Variants in KRT80 observed in about 807,000 individuals in gnomAD.
KRT80 encodes keratin 80.
Under a neutral mutation model 51.5 loss-of-function variants are expected in KRT80, and 36 were observed. The ratio of observed to expected loss-of-function variants is 0.70; its 90% confidence interval spans 0.54 to 0.92. The LOEUF (loss-of-function observed/expected upper bound fraction) is 0.92. Ranked by LOEUF, KRT80 falls within the 40% of genes least tolerant of loss-of-function variation. KRT80 has a pLI of 0.00. For synonymous variants in KRT80, 235 were observed against 248.3 expected, an observed-to-expected ratio of 0.95 and a Z score of 0.50; for missense variants, 566 against 591.7, an observed-to-expected ratio of 0.96 and a Z score of 0.45.
intron 4 of KRT80, among the ~76,000 whole-genome samples, chr12:52,174,474 C>T (rs1433677664): frequency 6.6e-6 from 1 of 152,370 alleles, no homozygotes; most frequent in Non-Finnish European, 1.5e-5. Context: ...AGCCAAGGGA[C>T]ATTGCCTGGA....
At chr12:52,183,213 C>A (rs1941351240) in intron 2 of KRT80, among the ~76,000 whole-genome samples, 1 of 152,174 alleles carries the variant, frequency 6.6e-6, no homozygotes, top group Admixed American at 6.5e-5. Context: ...TACCTCAAAG[C>A]CTTCGGAAGT....
chr12:52,191,054 C>T (rs911971771), intron 1 of KRT80, among the ~76,000 whole-genome samples: 1 of 152,162 alleles, frequency 6.6e-6, no homozygotes, highest in African/African-American at 2.4e-5. Flanking sequence ...TCTCCTGACA[C>T]CTGAGCTGCA....
At chr12:52,174,018 G>A (rs1223419446) in intron 4 of KRT80, among the ~76,000 whole-genome samples, 1 of 152,212 alleles carries the variant, frequency 6.6e-6, no homozygotes, top group African/African-American at 2.4e-5. Context: ...TGGGACTGTT[G>A]GTTTTAAAGG....
At chr12:52,180,712 G>A in intron 3 of KRT80, 104 bp from the exon 4 acceptor site, 4 of 1,603,616 alleles carry the variant, frequency 2.5e-6, no homozygotes, top group Non-Finnish European at 3.4e-6. Flanking sequence ...GGTGATTCCA[G>A]AGGAGATCTG....
intron 2 of KRT80, 103 bp downstream of exon 2, chr12:52,185,276 C>T (rs1941385174): frequency 1.8e-6 from 2 of 1,135,944 alleles, no homozygotes; most frequent in Non-Finnish European, 2.5e-6. Context: ...AGAAATGTTG[C>T]AGAACATCTT....
chr12:52,191,500 G>A, intron 1 of KRT80, 103 bp downstream of exon 1: 2 of 1,166,926 alleles, frequency 1.7e-6, no homozygotes, highest in Non-Finnish European at 1.2e-6. Flanking sequence ...TTGGCTGGGT[G>A]CAGGGGTGGG....
Position 52,189,264 on chromosome 12 carries a change from C to T in KRT80, c.300+2339G>A, listed in dbSNP as rs1941447692. 1.3e-5 allele frequency among the ~76,000 whole-genome samples: 2 copies of T among 152,214 alleles called. 1 individual carries two copies. The highest frequency in any genetic ancestry group is 1.3e-4 in the Admixed American group (2 of 15,284). ...CGCCGTACCTCCTGCCCATGAGTCC[C>T]TTCACTCCTCTATCCGGCAGGGAGC... is the stretch of plus-strand genomic sequence containing the variant. On this transcript the variant is annotated intron_variant, in intron 1 of 8. Transcript: ENST00000394815.
intron 4 of KRT80, among the ~76,000 whole-genome samples, chr12:52,177,537 A>T (rs1009333812): frequency 6.6e-6 from 1 of 152,034 alleles, no homozygotes; most frequent in African/African-American, 2.4e-5. Context: ...CCCCCAGGGG[A>T]GAGAGGCAGA....
chr12:52,180,984 G>A lies in KRT80; in HGVS notation c.510-21C>T, dbSNP rs779253895. 12 of 1,513,892 alleles carry A rather than the reference G, an allele frequency of 7.9e-6. No homozygotes were observed. The East Asian group carries it at 2.7e-4, about 35-fold the overall frequency. The allele number at this position is 1,513,892 out of a possible 1,614,324, so 93.8% of individuals were successfully genotyped here. A position where few individuals can be genotyped will look rare whatever the true frequency, so the allele number is the denominator to read the frequency against. On this transcript the variant is annotated intron_variant, in intron 2 of 8. Coordinates refer to ENST00000394815, the MANE Select transcript of KRT80 (RefSeq NM_182507.3). ...CATACCTGGGAGGGAGAGAGGGGTT[G>A]CTCAGCTGGATATGGTGGGGGCTTG...
chr12:52,173,573 T>A (rs1228858462), intron 5 of KRT80, 27 bp downstream of exon 5: 1 of 1,608,790 alleles, frequency 6.2e-7, no homozygotes, highest in Non-Finnish European at 8.5e-7. Flanking sequence ...CCAGGCTGCT[T>A]CTCGTGCCCT....
chr12:52,170,857 A>C lies in KRT80; in HGVS notation c.*541T>G, dbSNP rs1218689099. 6.4e-6 allele frequency: 1 copy of C among 155,252 alleles called. No individual in the cohort carries two copies. Among genetic ancestry groups the C allele is most frequent in the East Asian group, 1.9e-4 (1 of 5,222 alleles). The allele number at this position is 155,252 out of a possible 1,614,324, so 9.6% of individuals were successfully genotyped here. ...ACTGTCAGGTCTCTGGGGAGCCCAAAGAGCACGGGAAAGCCAAGAGGGTCT... is the reference window on the plus strand; with the variant it reads ...ACTGTCAGGTCTCTGGGGAGCCCAACGAGCACGGGAAAGCCAAGAGGGTCT... On this transcript the variant is annotated 3_prime_UTR_variant, in exon 9 of 9. Coordinates refer to ENST00000394815, the MANE Select transcript of KRT80 (RefSeq NM_182507.3).
intron 2 of KRT80, among the ~76,000 whole-genome samples, chr12:52,182,621 G>T (rs191369283): frequency 1.8e-4 from 27 of 152,340 alleles, no homozygotes; most frequent in Non-Finnish European, 2.9e-4. Context: ...CACAGCACAG[G>T]TGCCTCTCTG....
At position 52,191,725 on chromosome 12, in the gene KRT80, C is replaced by G; in HGVS notation, c.178G>C (p.Val60Leu). 6.2e-7 allele frequency: 1 copy of G among 1,613,880 alleles called. No individual in the cohort carries two copies. The highest frequency in any genetic ancestry group is 8.5e-7 in the Non-Finnish European group (1 of 1,179,958). Residue 60 changes from valine to leucine, a missense_variant, in exon 1 of 9, where the codon GTG (valine) becomes CTG (leucine). Coordinates refer to ENST00000394815, the MANE Select transcript of KRT80 (RefSeq NM_182507.3). ...WSAGTISKVT[V>L]NPGLLVPLDV... is the part of the protein sequence containing the mutation. ...AGGGGCACCAGCAGGCCGGGGTTCA[C>G]AGTCACCTTGGAGATAGTGCCAGCC... is the stretch of plus-strand genomic sequence containing the variant.
intron 2 of KRT80, among the ~76,000 whole-genome samples, chr12:52,182,678 ACAGCTGGCCTG>A (rs1226915159): frequency 1.3e-5 from 2 of 152,098 alleles, no homozygotes; most frequent in Non-Finnish European, 2.9e-5. Context: ...GTTGAGGGAG[ACAGCTGGCCTG>A]GCAGCTGCCC....
intron 6 of KRT80, among the ~76,000 whole-genome samples, 190 bp downstream of exon 6, chr12:52,172,848 G>A (rs1352320048): frequency 1.3e-5 from 2 of 152,164 alleles, no homozygotes; most frequent in African/African-American, 4.8e-5. Flanking sequence ...ATTTTTGTAT[G>A]CAGAGCGCCT....
rs760225563 is a variant in KRT80, at chr12:52,185,435, C to T, written c.453G>A (p.Gly151=). 6 of 1,614,008 alleles carry T rather than the reference C, an allele frequency of 3.7e-6. No individual in the cohort carries two copies. The highest frequency in any genetic ancestry group is 5.1e-6 in the Non-Finnish European group (6 of 1,180,022). ...CCTGCAGCAGGTTGGCCTCCAGCTGCCCCCGCTCCTGGCTCACTTTGCGCA... is the reference window on the plus strand; with the variant it reads ...CCTGCAGCAGGTTGGCCTCCAGCTGTCCCCGCTCCTGGCTCACTTTGCGCA... ...EELRKVSQER[G]QLEANLLQVL... is the part of the protein sequence containing the mutation. The change falls in exon 2 of 9, where the codon GGG becomes GGA. Residue 151 remains glycine, a synonymous_variant. Transcript: ENST00000394815.
chr12:52,190,325 C>T (rs759307600), intron 1 of KRT80, among the ~76,000 whole-genome samples: 1 of 152,216 alleles, frequency 6.6e-6, no homozygotes, highest in East Asian at 1.9e-4. Context: ...GGCACTTAGC[C>T]TTGCTGGTCC....
chr12:52,184,260 T>G (rs1318040060), intron 2 of KRT80, among the ~76,000 whole-genome samples: 1 of 152,096 alleles, frequency 6.6e-6, no homozygotes, highest in Non-Finnish European at 1.5e-5. Flanking sequence ...TGTCCTCCCC[T>G]CACGCTGGCT....
chr12:52,172,884 A>G (rs534839542), intron 6 of KRT80, among the ~76,000 whole-genome samples, 154 bp downstream of exon 6: 1 of 152,266 alleles, frequency 6.6e-6, no homozygotes, highest in South Asian at 2.1e-4. Context: ...AGGCTGTGCT[A>G]TTATCCCATT....
Sources: gnomAD v4.1 joint callset for allele counts (sites outside exome capture counted in the v4.1 genomes callset) on GRCh38, gnomAD v4.1.1 for gene constraint, MANE v1.5 for transcripts, NCBI Gene and HGNC (gene_info 2026-07-23, HGNC 2026-07-21) for gene names.